RAD54L2: variants seen among roughly 807,000 people sequenced by gnomAD.
The protein encoded by RAD54L2 is helicase ARIP4.
A neutral mutation model predicts 138.4 loss-of-function variants in RAD54L2; 27 were observed. The ratio of observed to expected loss-of-function variants is 0.20; its 90% CI spans 0.14 to 0.27. The LOEUF (loss-of-function observed/expected upper bound fraction) is 0.27, where lower values mean the gene tolerates loss of function less well. Ranked by LOEUF, RAD54L2 falls within the 10% of genes least tolerant of loss-of-function variation. The pLI is 1.00. For missense variants in RAD54L2, 1,396 were observed against 1,890.2 expected (o/e 0.74, Z 4.85); for synonymous variants, 644 against 723.2 (o/e 0.89, Z 1.76).
chr3:51,542,733 G>A (rs576729143), intron 2 of RAD54L2, among the ~76,000 whole-genome samples: 1 of 152,300 alleles, frequency 6.6e-6, no homozygotes, highest in African/African-American at 2.4e-5. Context: ...AAAGTGCTGG[G>A]GTTACAGGTG....
chr3:51,572,368 G>A (rs1049332999), intron 2 of RAD54L2, among the ~76,000 whole-genome samples: 71 of 151,318 alleles, frequency 4.7e-4, no homozygotes, highest in African/African-American at 1.7e-3. Context: ...CAGGAAAATC[G>A]CTTGAACCCA....
At chr3:51,598,209 A>G (rs1192159289) in intron 3 of RAD54L2, among the ~76,000 whole-genome samples, 1 of 137,900 alleles carries the variant, frequency 7.3e-6, no homozygotes, top group Non-Finnish European at 1.5e-5. Context: ...TTGGCTTATA[A>G]CTCCCATAGT....
rs763825688 is a variant in RAD54L2, at chr3:51,662,505, G to T, written c.3489G>T (p.Gly1163=). 8.1e-6 allele frequency: 13 copies of T among 1,610,334 alleles called. No homozygotes were observed. The Middle Eastern group carries it at 5.0e-4, about 62-fold the overall frequency. ...ASSPKAPDPE[G]LARPVSPDSP... is the part of the protein sequence containing the mutation. ...CACCCAAAGCCCCCGACCCTGAGGG[G>T]CTGGCCAGGCCCGTCTCTCCTGACA... Residue 1163 remains glycine (G), a synonymous_variant, in exon 23 of 23, where the codon GGG becomes GGT. Coordinates refer to ENST00000684192, the MANE Select transcript of RAD54L2 (RefSeq NM_015106.4). The surrounding 1 kb of genome is among the most constrained non-coding windows in gnomAD (Gnocchi z 4.6).
chr3:51,583,655 G>A (rs189742651), intron 2 of RAD54L2, among the ~76,000 whole-genome samples: 35 of 148,106 alleles, frequency 2.4e-4, no homozygotes, highest in Middle Eastern at 3.4e-3. Context: ...TTGAACTCCC[G>A]ACCTCAGGTG....
intron 3 of RAD54L2, among the ~76,000 whole-genome samples, chr3:51,610,251 G>C (rs899511318): frequency 6.6e-6 from 1 of 152,114 alleles, no homozygotes; most frequent in African/African-American, 2.4e-5. Flanking sequence ...ACAATCCCCC[G>C]AGGCTACAAA....
chr3:51,637,281 G>A lies in RAD54L2; in HGVS notation c.1460G>A (p.Arg487Gln). ...CTGAAGAATATCCGCTCTCGCCGCC[G>A]GGTGGTGCTGACTGGGTACCCTCTG... Reference protein sequence around the residue: ...QALKNIRSRRRVVLTGYPLQN... With the variant: ...QALKNIRSRRQVVLTGYPLQN... Residue 487 changes from arginine to glutamine, a missense_variant, in exon 11 of 23, where the codon CGG (arginine) becomes CAG (glutamine). By Grantham distance (43) the Arg-to-Gln change is conservative. Around this residue, in one of 7 missense-constraint regions of RAD54L2, gnomAD observed 169 missense variants for 235.6 expected, o/e 0.72. Transcript: ENST00000684192. This position sits in a 1 kb window ranked among gnomAD's most constrained non-coding sequence, Gnocchi z 5.9. The A allele has an allele frequency of 6.2e-7, 1 of 1,610,958 alleles. No homozygotes were observed. Among genetic ancestry groups the A allele is most frequent in the Non-Finnish European group, 8.5e-7 (1 of 1,178,672 alleles).
rs1464235234 is a variant in RAD54L2, at chr3:51,663,388, G to A, written c.4372G>A (p.Asp1458Asn). 6.2e-7 allele frequency: 1 copy of A among 1,613,616 alleles called. No homozygotes were observed. The highest frequency in any genetic ancestry group is 8.5e-7 in the Non-Finnish European group (1 of 1,179,718). The change falls in exon 23 of 23, where the codon GAC becomes AAC. Residue 1458 changes from aspartate to asparagine, a missense_variant. Coordinates refer to ENST00000684192, the MANE Select transcript of RAD54L2 (RefSeq NM_015106.4). ...CAGCTCCAATGATGATGAGGATAAA[G>A]ACGATGATGTGATAGAGGTCACTGG... The part of the protein sequence containing the change: ...GFSSNDDEDK[D>N]DDVIEVTGK
At chr3:51,616,837 G>T (rs1240315341) in intron 3 of RAD54L2, among the ~76,000 whole-genome samples, 1 of 151,874 alleles carries the variant, frequency 6.6e-6, no homozygotes, top group Non-Finnish European at 1.5e-5. Context: ...CAAAAGAAAA[G>T]AAAAGAAAAG....
chr3:51,654,521 C>T (rs1191608184), intron 19 of RAD54L2, among the ~76,000 whole-genome samples: 2 of 152,168 alleles, frequency 1.3e-5, no homozygotes, highest in East Asian at 3.8e-4. Context: ...GACTCAATCT[C>T]AAAAGAGAAA....
intron 19 of RAD54L2, among the ~76,000 whole-genome samples, chr3:51,648,243 G>A (rs1471641437): frequency 6.6e-6 from 1 of 152,248 alleles, no homozygotes; most frequent in East Asian, 1.9e-4. Flanking sequence ...CTGGCTGGGG[G>A]AGAGGTGTCT....
At chr3:51,612,069 G>C (rs1700345119) in intron 3 of RAD54L2, among the ~76,000 whole-genome samples, 1 of 152,174 alleles carries the variant, frequency 6.6e-6, no homozygotes, top group Non-Finnish European at 1.5e-5. Context: ...TTTGGCTTTG[G>C]TATAAGGACT....
chr3:51,580,886 C>T (rs1699590858), intron 2 of RAD54L2, among the ~76,000 whole-genome samples: 1 of 152,000 alleles, frequency 6.6e-6, no homozygotes, highest in African/African-American at 2.4e-5. Context: ...CATCCAAATG[C>T]AATAATATTA....
rs1170107953 is a variant in RAD54L2 at position 51,664,740 on chromosome 3, G to A, written c.*1320G>A. On this transcript the variant is annotated 3_prime_UTR_variant, in exon 23 of 23. Coordinates refer to ENST00000684192, the MANE Select transcript of RAD54L2 (RefSeq NM_015106.4). ...GAGATGGCTTTTCAGGAAGATCAGG[G>A]AATCCTGAGACTGGATAGTTAGTGG... 3 of 152,138 alleles carry A rather than the reference G, an allele frequency of 2.0e-5. No homozygotes were observed. Among genetic ancestry groups the A allele is most frequent in the Non-Finnish European group, 2.9e-5 (2 of 68,016 alleles). The allele number at this position is 152,138 out of a possible 1,614,324, so 9.4% of individuals were successfully genotyped here.
intron 3 of RAD54L2, among the ~76,000 whole-genome samples, chr3:51,607,058 TTC>T (rs1164850071): frequency 2.7e-5 from 4 of 148,666 alleles, no homozygotes; most frequent in East Asian, 1.9e-4. Context: ...TTTTTTGGAT[TTC>T]TCTTTTTATT....
In RAD54L2 at chr3:51,638,411, G is replaced by A. The variant is rs1488267224; in HGVS notation, c.1860+90G>A. 4 of 1,498,250 alleles carry A rather than the reference G, an allele frequency of 2.7e-6. No individual in the cohort carries two copies. Among genetic ancestry groups the A allele is most frequent in the Admixed American group, 1.9e-5 (1 of 53,560 alleles). The allele number at this position is 1,498,250 out of a possible 1,614,324, so 92.8% of individuals were successfully genotyped here. A position where few individuals can be genotyped will look rare whatever the true frequency, so the allele number is the denominator to read the frequency against. ...ACTCCTACTGAGAGTCTTCAATAAA[G>A]GGAGAATAAAGTGAGAGGGGGCCAC... On this transcript the variant is annotated intron_variant, in intron 12 of 22. Transcript: ENST00000684192. The surrounding 1 kb of genome is among the most constrained non-coding windows in gnomAD (Gnocchi z 4.3).
intron 3 of RAD54L2, among the ~76,000 whole-genome samples, chr3:51,593,321 G>GC (rs200241507): frequency 6.8e-6 from 1 of 148,120 alleles, no homozygotes; most frequent in African/African-American, 2.5e-5. Context: ...ACTTACTTCA[G>GC]CCCCTTTTTT....
chr3:51,638,410 AG>A lies in RAD54L2; in HGVS notation c.1860+92del. 1 of 1,498,500 alleles carries A rather than the reference AG, an allele frequency of 6.7e-7. No individual in the cohort carries two copies. The highest frequency in any genetic ancestry group is 9.1e-7 in the Non-Finnish European group (1 of 1,096,980). 92.8% of individuals were successfully genotyped at this position (1,498,500 alleles called of 1,614,324 possible). ...TACTCCTACTGAGAGTCTTCAATAA[AG>A]GGAGAATAAAGTGAGAGGGGGCCAC... On this transcript the variant is annotated intron_variant, in intron 12 of 22. Transcript: ENST00000684192. The surrounding 1 kb of genome is among the most constrained non-coding windows in gnomAD (Gnocchi z 4.3).
rs557643228 is a variant in RAD54L2, at chr3:51,663,905, C to T, written c.*485C>T. 89 of 140,782 alleles carry T rather than the reference C, an allele frequency of 6.3e-4. No individual in the cohort carries two copies. Among genetic ancestry groups the T allele is most frequent in the Non-Finnish European group, 1.1e-3 (72 of 68,084 alleles). The allele number at this position is 140,782 out of a possible 1,614,324, so 8.7% of individuals were successfully genotyped here. A position where few individuals can be genotyped will look rare whatever the true frequency, so the allele number is the denominator to read the frequency against. On this transcript the variant is annotated 3_prime_UTR_variant, in exon 23 of 23. Coordinates refer to ENST00000684192, the MANE Select transcript of RAD54L2 (RefSeq NM_015106.4). The stretch of plus-strand genomic sequence containing the variant: ...ACTGTGATCCCATGTGAAGTGGGGT[C>T]TTTTTAGGGGGTGGGAAGGAAGCTG...
chr3:51,616,266 T>C (rs751735179), intron 3 of RAD54L2, among the ~76,000 whole-genome samples: 47 of 152,214 alleles, frequency 3.1e-4, no homozygotes, highest in Non-Finnish European at 5.6e-4. Flanking sequence ...TCAATCTCTC[T>C]TCATCCTCTC....
Sources: allele counts gnomAD v4.1 joint callset (sites outside exome capture counted in the v4.1 genomes callset), GRCh38; gene constraint gnomAD v4.1.1; regional missense constraint gnomAD v4.1.1; non-coding constraint Gnocchi (gnomAD v3.1); transcripts MANE v1.5; gene names NCBI Gene and HGNC (gene_info 2026-07-23, HGNC 2026-07-21).